The following GNAL variants were observed in gnomAD, a reference collection of about 807,000 sequenced individuals.
The protein encoded by GNAL is guanine nucleotide-binding protein G(olf) subunit alpha.
GNAL carries 18 observed loss-of-function variants against 55.1 expected under a neutral mutation model. The observed-to-expected ratio is 0.33, with a 90% CI of 0.23 to 0.48. GNAL has a LOEUF of 0.48. Ranked by LOEUF, GNAL falls within the 20% of genes least tolerant of loss-of-function variation. GNAL has a pLI of 0.99. For missense variants in GNAL, 412 were observed against 614.1 expected (o/e 0.67, Z 3.48); for synonymous variants, 253 against 237.0 (o/e 1.07, Z -0.62).
rs540229248 is a variant in GNAL at position 11,707,962 on chromosome 18, G to A, written c.376+18023G>A. Reference sequence around the variant, plus strand: ...AACCTTCCTAGAATTGAAAAGTTAGGGCCTTGTTCCAACTTAGGCTTTGGC... The same window carrying A: ...AACCTTCCTAGAATTGAAAAGTTAGAGCCTTGTTCCAACTTAGGCTTTGGC... On this transcript the variant is annotated intron_variant, in intron 1 of 11. Transcript: ENST00000334049. Among the ~76,000 whole-genome samples the A allele has an allele frequency of 3.9e-5, 6 of 152,288 alleles. No individual in the cohort carries two copies. The South Asian group carries it at 1.2e-3, about 32-fold the overall frequency.
chr18:11,861,963 TACAC>T (rs56087854), intron 5 of GNAL, among the ~76,000 whole-genome samples: 10,017 of 148,136 alleles, frequency 0.068, 396 homozygotes, highest in Non-Finnish European at 0.096. Flanking sequence ...CACGCAGTCA[TACAC>T]ACACACACAC....
At chr18:11,800,140 C>T (rs1027582568) in intron 4 of GNAL, among the ~76,000 whole-genome samples, 2 of 152,140 alleles carry the variant, frequency 1.3e-5, no homozygotes, top group Admixed American at 1.3e-4. Flanking sequence ...TTCATGTCTT[C>T]ATACATTTCT....
intron 2 of GNAL, among the ~76,000 whole-genome samples, chr18:11,753,132 A>T (rs540991166): frequency 5.6e-4 from 85 of 152,360 alleles, no homozygotes; most frequent in South Asian, 1.0e-3. Context: ...AACTTGCTTA[A>T]CAAAATATGA....
chr18:11,880,922 G>A (rs2036670954), intron 11 of GNAL, 67 bp from the exon 12 acceptor site: 3 of 1,531,678 alleles, frequency 2.0e-6, no homozygotes, highest in Middle Eastern at 1.9e-4. Flanking sequence ...TGCTCAGCGT[G>A]GCCTAGTCCT....
intron 5 of GNAL, 103 bp from the exon 6 acceptor site, chr18:11,862,292 C>CCCCAT (rs1222879721): frequency 9.9e-6 from 8 of 809,794 alleles, no homozygotes; most frequent in Non-Finnish European, 1.5e-5. Flanking sequence ...CTTGGCCTGC[C>CCCCAT]CCCATCCTTG....
chr18:11,788,914 A>ATATATATAT (rs1555650656), intron 4 of GNAL, among the ~76,000 whole-genome samples: 27 of 56,298 alleles, frequency 4.8e-4, no homozygotes, highest in East Asian at 2.1e-3. Flanking sequence ...AAAAAAAAAA[A>ATATATATAT]ATATATATAT....
intron 5 of GNAL, chr18:11,857,765 T>G (rs1241193240): frequency 2.0e-6 from 2 of 982,232 alleles, no homozygotes; most frequent in East Asian, 1.1e-4. Flanking sequence ...GCATTACAAC[T>G]GCCTGGTACT....
intron 4 of GNAL, among the ~76,000 whole-genome samples, chr18:11,783,772 T>G (rs1369157261): frequency 1.3e-5 from 2 of 152,274 alleles, no homozygotes; most frequent in Non-Finnish European, 2.9e-5. Flanking sequence ...TGCTCTTTTT[T>G]TCATTAAAAA....
At chr18:11,782,086 A>G (rs1246155229) in intron 4 of GNAL, among the ~76,000 whole-genome samples, 1 of 152,156 alleles carries the variant, frequency 6.6e-6, no homozygotes, top group Non-Finnish European at 1.5e-5. Context: ...GGAAGTCGAC[A>G]TGGGCGGATC....
intron 4 of GNAL, among the ~76,000 whole-genome samples, chr18:11,780,568 C>T (rs1285041042): frequency 6.6e-6 from 1 of 152,108 alleles, no homozygotes; most frequent in Non-Finnish European, 1.5e-5. Flanking sequence ...AAACCTGTTC[C>T]AGTCAGCTCC....
In GNAL at chr18:11,876,693, G is replaced by C; in HGVS notation, c.1230+5G>C. The C allele has an allele frequency of 6.4e-7, 1 of 1,571,548 alleles. No individual in the cohort carries two copies. The highest frequency in any genetic ancestry group is 1.3e-5 in the African/African-American group (1 of 74,298). ...TTTATCCGGGACCTGTTTTTGGTAA[G>C]CAATTTTGTTAACCTTTGTTTTTCT... On this transcript the variant is annotated splice_donor_5th_base_variant and intron_variant, in intron 11 of 11. Transcript: ENST00000334049.
At chr18:11,816,737 C>G (rs1311071911) in intron 4 of GNAL, among the ~76,000 whole-genome samples, 3 of 151,432 alleles carry the variant, frequency 2.0e-5, no homozygotes, top group African/African-American at 7.3e-5. Context: ...TCTCTTGAAC[C>G]TGGGAGGCGG....
chr18:11,739,502 G>A lies in GNAL; in HGVS notation c.377-13351G>A, dbSNP rs182963938. Among the ~76,000 whole-genome samples the A allele has an allele frequency of 1.9e-3, 288 of 152,234 alleles. 1 individual carries two copies. Among genetic ancestry groups the A allele is most frequent in the African/African-American group, 6.4e-3 (266 of 41,554 alleles). On this transcript the variant is annotated intron_variant, in intron 1 of 11. Transcript: ENST00000334049. ...TTGAGACAATAAGTGTGTCTGACCC[G>A]TCATCATCTGCACAGCAGTTTCATC... is the stretch of plus-strand genomic sequence containing the variant.
chr18:11,756,889 A>G (rs1289376455), intron 4 of GNAL, among the ~76,000 whole-genome samples: 1 of 152,200 alleles, frequency 6.6e-6, no homozygotes, highest in African/African-American at 2.4e-5. Flanking sequence ...TCAGTCCAGT[A>G]CTTTTTTGAG....
chr18:11,876,801 C>A lies in GNAL; in HGVS notation c.1230+113C>A, dbSNP rs3892115. On this transcript the variant is annotated intron_variant, in intron 11 of 11. Transcript: ENST00000334049. Reference sequence around the variant, plus strand: ...ATTTAATCTTCCTTAACATTACGAGCGATGACAAAGGGTATGTTACTTTAA... The same window carrying A: ...ATTTAATCTTCCTTAACATTACGAGAGATGACAAAGGGTATGTTACTTTAA... 3.6e-3 allele frequency: 2,659 copies of A among 735,208 alleles called. 45 individuals carry two copies. In the African/African-American group the frequency reaches 0.039, roughly 11 times the overall value. 45.5% of individuals were successfully genotyped at this position (735,208 alleles called of 1,614,324 possible).
chr18:11,763,203 T>G (rs138298860), intron 4 of GNAL, among the ~76,000 whole-genome samples: 82 of 152,352 alleles, frequency 5.4e-4, no homozygotes, highest in African/African-American at 1.9e-3. Context: ...CCCAGATTCA[T>G]CGATAGCTAA....
intron 4 of GNAL, among the ~76,000 whole-genome samples, chr18:11,779,590 C>T (rs2033875050): frequency 6.6e-6 from 1 of 152,150 alleles, no homozygotes. Context: ...ATCCTACAAA[C>T]AATCAGATCT....
chr18:11,763,112 G>A (rs1385505415), intron 4 of GNAL, among the ~76,000 whole-genome samples: 1 of 152,078 alleles, frequency 6.6e-6, no homozygotes, highest in Non-Finnish European at 1.5e-5. Context: ...CCTAATCAAT[G>A]TTAGCTTTTT....
intron 4 of GNAL, among the ~76,000 whole-genome samples, chr18:11,777,119 T>G (rs113766173): frequency 1.7e-4 from 26 of 152,226 alleles, no homozygotes; most frequent in Middle Eastern, 3.2e-3. Context: ...AGACTGTTAG[T>G]GTGATTTTGT....
Sources: gnomAD v4.1 joint callset for allele counts (sites outside exome capture counted in the v4.1 genomes callset) on GRCh38, gnomAD v4.1.1 for gene constraint, MANE v1.5 for transcripts, NCBI Gene and HGNC (gene_info 2026-07-23, HGNC 2026-07-21) for gene names.